CUEDC1: variants seen among roughly 807,000 people sequenced by gnomAD.
CUEDC1 encodes CUE domain containing 1, also known as CUE domain-containing protein 1.
CUEDC1 carries 30 observed loss-of-function variants against 43.7 expected under a neutral mutation model. The observed-to-expected ratio is 0.69, with a 90% CI of 0.51 to 0.93. The LOEUF is 0.93. CUEDC1 is among the 40% of genes least tolerant of loss of function. The probability of loss-of-function intolerance (pLI) is 0.00; values close to 1 mark genes in which losing one functional copy is unlikely to be tolerated. For synonymous variants in CUEDC1, 223 were observed against 223.6 expected, an observed-to-expected ratio of 1.00 and a Z score of 0.02; for missense variants, 486 against 549.0, an observed-to-expected ratio of 0.89 and a Z score of 1.15.
In CUEDC1 at chr17:57,911,032, C is replaced by T. The variant is rs113993272; in HGVS notation, c.-315-25153G>A. 4.5e-3 allele frequency among the ~76,000 whole-genome samples: 693 copies of T among 152,308 alleles called. 7 individuals carry two copies. Among genetic ancestry groups the T allele is most frequent in the African/African-American group, 0.015 (626 of 41,562 alleles). Reference sequence around the variant, plus strand: ...CCAACGGAAGAGCAGGCCAGGTCCCCTCCGAACTCCTCAGTCTCTTATGTA... The same window carrying T: ...CCAACGGAAGAGCAGGCCAGGTCCCTTCCGAACTCCTCAGTCTCTTATGTA... On this transcript the variant is annotated intron_variant, in intron 1 of 10. Coordinates refer to ENST00000577830, the MANE Select transcript of CUEDC1 (RefSeq NM_001271875.2).
intron 10 of CUEDC1, among the ~76,000 whole-genome samples, chr17:57,864,418 A>T (rs2073926536): frequency 6.6e-6 from 1 of 152,164 alleles, no homozygotes; most frequent in Admixed American, 6.5e-5. Flanking sequence ...CAGAGCAACA[A>T]GGAGAGCCAG....
chr17:57,874,249 C>A (rs1269700528), intron 3 of CUEDC1, among the ~76,000 whole-genome samples: 2 of 152,222 alleles, frequency 1.3e-5, no homozygotes, highest in South Asian at 2.1e-4. Flanking sequence ...TCTGGCTCAA[C>A]CACCAGCCGG....
chr17:57,935,406 A>AAC (rs1478643234), intron 1 of CUEDC1, among the ~76,000 whole-genome samples: 1,083 of 77,092 alleles, frequency 0.014, 17 homozygotes, highest in African/African-American at 0.034. Context: ...CACACACACA[A>AAC]ACACACACAC....
At chr17:57,937,266 T>C (rs1302813944) in intron 1 of CUEDC1, among the ~76,000 whole-genome samples, 1 of 152,158 alleles carries the variant, frequency 6.6e-6, no homozygotes, top group African/African-American at 2.4e-5. Flanking sequence ...GCAGGTACTA[T>C]GGATATCCTC....
intron 10 of CUEDC1, among the ~76,000 whole-genome samples, chr17:57,865,902 C>T (rs1568024902): frequency 6.6e-6 from 1 of 151,788 alleles, no homozygotes; most frequent in South Asian, 2.1e-4. Flanking sequence ...AGCTCACTGC[C>T]ACCTCCGCCT....
At chr17:57,942,508 C>G (rs1372440128) in intron 1 of CUEDC1, among the ~76,000 whole-genome samples, 3 of 151,922 alleles carry the variant, frequency 2.0e-5, no homozygotes, top group Non-Finnish European at 2.9e-5. Context: ...CCTGCCTCAG[C>G]CTCCCAAGTA....
At chr17:57,881,714 CT>C (rs1464406331) in intron 2 of CUEDC1, among the ~76,000 whole-genome samples, 2 of 152,170 alleles carry the variant, frequency 1.3e-5, no homozygotes, top group Non-Finnish European at 2.9e-5. Flanking sequence ...GGGGTTTCCC[CT>C]GACCATGGCT....
At chr17:57,933,793 A>G (rs2074833231) in intron 1 of CUEDC1, among the ~76,000 whole-genome samples, 1 of 152,132 alleles carries the variant, frequency 6.6e-6, no homozygotes, top group South Asian at 2.1e-4. Context: ...AGAACAAATG[A>G]ACACAGGCCC....
At chr17:57,881,740 C>T (rs372862282) in intron 2 of CUEDC1, among the ~76,000 whole-genome samples, 23 of 152,158 alleles carry the variant, frequency 1.5e-4, no homozygotes, top group Non-Finnish European at 2.8e-4. Context: ...GCAGTCAGCC[C>T]CCCAGACTCA....
At chr17:57,943,948 T>A (rs1203445060) in intron 1 of CUEDC1, among the ~76,000 whole-genome samples, 1 of 152,152 alleles carries the variant, frequency 6.6e-6, no homozygotes, top group African/African-American at 2.4e-5. Flanking sequence ...CGCTACAATA[T>A]TGTAAATACA....
chr17:57,921,621 G>A (rs1274034383), intron 1 of CUEDC1, among the ~76,000 whole-genome samples: 1 of 152,192 alleles, frequency 6.6e-6, no homozygotes, highest in African/African-American at 2.4e-5. Context: ...GCAGGCTCAC[G>A]AGGGCTGGGG....
In CUEDC1 at chr17:57,868,153, T is replaced by G; in HGVS notation, c.1031A>C (p.Gln344Pro). 1 of 1,613,678 alleles carries G rather than the reference T, an allele frequency of 6.2e-7. No homozygotes were observed. The highest frequency in any genetic ancestry group is 8.5e-7 in the Non-Finnish European group (1 of 1,179,552). ...KSKRKHLLKH[Q>P]SLGAAASTAN... is the part of the protein sequence containing the mutation. ...AGTGCCAGGCTGGAAAGGATACGACTGATGCTTCAACAAGTGTTTCCTCTT... is the reference window on the plus strand; with the variant it reads ...AGTGCCAGGCTGGAAAGGATACGACGGATGCTTCAACAAGTGTTTCCTCTT... Residue 344 changes from glutamine to proline, a missense_variant, in exon 8 of 11, where the codon CAG becomes CCG. Physicochemically the swap from Gln to Pro is moderately conservative, Grantham distance 76. Coordinates refer to ENST00000577830, the MANE Select transcript of CUEDC1 (RefSeq NM_001271875.2).
chr17:57,928,631 TC>T (rs1303787207), intron 1 of CUEDC1, among the ~76,000 whole-genome samples: 1 of 151,460 alleles, frequency 6.6e-6, no homozygotes, highest in Admixed American at 6.6e-5. Flanking sequence ...ACACAGATCT[TC>T]CGATTTGAGT....
At chr17:57,879,534 C>T (rs1250363564) in intron 3 of CUEDC1, 77 bp downstream of exon 3, 4 of 1,475,214 alleles carry the variant, frequency 2.7e-6, no homozygotes, top group African/African-American at 1.5e-5. Flanking sequence ...AGCCAAGTTT[C>T]GTGTTGTTTG....
At chr17:57,868,812 G>A (rs952362195) in intron 7 of CUEDC1, among the ~76,000 whole-genome samples, 3 of 152,202 alleles carry the variant, frequency 2.0e-5, no homozygotes, top group Non-Finnish European at 2.9e-5. Flanking sequence ...TCTCTGTGCA[G>A]TCAGCTCCGG....
chr17:57,891,526 G>A (rs2074354656), intron 1 of CUEDC1, among the ~76,000 whole-genome samples: 1 of 152,120 alleles, frequency 6.6e-6, no homozygotes, highest in Non-Finnish European at 1.5e-5. Context: ...TCTGCTCCAT[G>A]CCTCCCAATG....
In CUEDC1 at chr17:57,954,433, A is replaced by C. The variant is rs1387781928; in HGVS notation, c.-316+792T>G. Among the ~76,000 whole-genome samples the C allele has an allele frequency of 2.0e-5, 3 of 152,198 alleles. No homozygotes were observed. Among genetic ancestry groups the C allele is most frequent in the Admixed American group, 6.5e-5 (1 of 15,286 alleles). On this transcript the variant is annotated intron_variant, in intron 1 of 10. Coordinates refer to ENST00000577830, the MANE Select transcript of CUEDC1 (RefSeq NM_001271875.2). This position sits in a 1 kb window ranked among gnomAD's most constrained non-coding sequence, Gnocchi z 4.3. The stretch of plus-strand genomic sequence containing the variant: ...TTCAGTGTACGTTTCTTAGAGCTAA[A>C]ACTTTTTTTAAGGGGAAAAGAAATG...
At chr17:57,907,816 A>G (rs968749941) in intron 1 of CUEDC1, among the ~76,000 whole-genome samples, 1 of 147,272 alleles carries the variant, frequency 6.8e-6, no homozygotes, top group Non-Finnish European at 1.5e-5. Flanking sequence ...ACTGCACTCC[A>G]GCCTGGGCAA....
chr17:57,951,198 G>C (rs2075003594), intron 1 of CUEDC1, among the ~76,000 whole-genome samples: 1 of 150,906 alleles, frequency 6.6e-6, no homozygotes, highest in Non-Finnish European at 1.5e-5. Flanking sequence ...GTGTACCGCT[G>C]TGCAGAAATG....
Sources: gnomAD v4.1 joint callset for allele counts (sites outside exome capture counted in the v4.1 genomes callset) on GRCh38, gnomAD v4.1.1 for gene constraint, Gnocchi (gnomAD v3.1) non-coding constraint, MANE v1.5 for transcripts, NCBI Gene and HGNC (gene_info 2026-07-23, HGNC 2026-07-21) for gene names.